AUH: variants seen among roughly 807,000 people sequenced by gnomAD.
AUH encodes the protein methylglutaconyl-CoA hydratase, mitochondrial.
AUH carries 29 observed loss-of-function variants against 42.3 expected under a neutral mutation model. The ratio of observed to expected loss-of-function variants is 0.69; its 90% confidence interval spans 0.51 to 0.93. The LOEUF (loss-of-function observed/expected upper bound fraction) is 0.93, where lower values mean the gene tolerates loss of function less well. AUH is among the 40% of genes least tolerant of loss of function. The pLI, the probability that AUH is intolerant of heterozygous loss-of-function variation, is 0.00. For missense variants in AUH, 452 were observed against 438.1 expected (o/e 1.03, Z -0.28); for synonymous variants, 174 against 166.4 (o/e 1.05, Z -0.35).
chr9:91,318,385 G>T (rs1829319003), intron 4 of AUH, among the ~76,000 whole-genome samples: 1 of 152,124 alleles, frequency 6.6e-6, no homozygotes, highest in African/African-American at 2.4e-5. Flanking sequence ...AACTACAGAT[G>T]TGTTTTCTTT....
intron 6 of AUH, among the ~76,000 whole-genome samples, chr9:91,290,891 A>C (rs756551162): frequency 6.6e-6 from 1 of 152,172 alleles, no homozygotes; most frequent in African/African-American, 2.4e-5. Flanking sequence ...AAAATCATGT[A>C]AACATCACCA....
chr9:91,269,289 T>C (rs527269009), intron 6 of AUH, among the ~76,000 whole-genome samples: 1 of 152,364 alleles, frequency 6.6e-6, no homozygotes, highest in South Asian at 2.1e-4. Flanking sequence ...AGATAATTAA[T>C]ATTTTCTAAG....
chr9:91,361,476 T>C, intron 1 of AUH, 152 bp downstream of exon 1: 1 of 1,061,800 alleles, frequency 9.4e-7, no homozygotes, highest in Non-Finnish European at 1.3e-6. Flanking sequence ...CCACGCTGGG[T>C]GAGTAGGGAG....
chr9:91,349,838 A>C (rs901002803), intron 3 of AUH, among the ~76,000 whole-genome samples: 2 of 152,244 alleles, frequency 1.3e-5, no homozygotes, highest in Non-Finnish European at 2.9e-5. Flanking sequence ...CTTCACAAGA[A>C]GCTTTGACTA....
At chr9:91,341,387 T>TG (rs1276376179) in intron 3 of AUH, among the ~76,000 whole-genome samples, 9 of 152,240 alleles carry the variant, frequency 5.9e-5, no homozygotes, top group South Asian at 2.1e-4. Flanking sequence ...AGAGAGAACT[T>TG]GAAGTCCATC....
intron 6 of AUH, among the ~76,000 whole-genome samples, chr9:91,271,343 C>T (rs575872018): frequency 6.6e-6 from 1 of 152,322 alleles, no homozygotes; most frequent in East Asian, 1.9e-4. Flanking sequence ...CTGGTGTCAA[C>T]CTTCCGTAAA....
At chr9:91,220,058 A>G (rs2131209968) in intron 7 of AUH, among the ~76,000 whole-genome samples, 1 of 152,370 alleles carries the variant, frequency 6.6e-6, no homozygotes, top group African/African-American at 2.4e-5. Context: ...ACAGCAAAAG[A>G]AGACTCTTTC....
At chr9:91,301,925 G>A (rs1827816612) in intron 4 of AUH, among the ~76,000 whole-genome samples, 1 of 152,144 alleles carries the variant, frequency 6.6e-6, no homozygotes, top group African/African-American at 2.4e-5. Context: ...GTAGAAAGCT[G>A]TCTATAAAAT....
chr9:91,278,695 C>T (rs1278845283), intron 6 of AUH, among the ~76,000 whole-genome samples: 2 of 152,150 alleles, frequency 1.3e-5, no homozygotes, highest in South Asian at 2.1e-4. Context: ...TTTAATGAAT[C>T]ATAGCCCTTC....
chr9:91,262,186 TTAAC>T (rs746403878), intron 6 of AUH, among the ~76,000 whole-genome samples: 4 of 152,330 alleles, frequency 2.6e-5, no homozygotes, highest in South Asian at 2.1e-4. Flanking sequence ...TAAATTCGAG[TTAAC>T]TAACATCATT....
intron 6 of AUH, among the ~76,000 whole-genome samples, chr9:91,265,066 T>C (rs1829897751): frequency 6.6e-6 from 1 of 152,012 alleles, no homozygotes; most frequent in African/African-American, 2.4e-5. Flanking sequence ...GCACTGAAAT[T>C]TCACAAATAC....
At chr9:91,214,605 C>T (rs188810905) in intron 9 of AUH, among the ~76,000 whole-genome samples, 180 bp from the exon 10 acceptor site, 1 of 152,146 alleles carries the variant, frequency 6.6e-6, no homozygotes, top group African/African-American at 2.4e-5. Context: ...TCCTCTACCC[C>T]ATTTTGCTCT....
intron 6 of AUH, among the ~76,000 whole-genome samples, chr9:91,281,696 T>C (rs1825975049): frequency 6.6e-6 from 1 of 152,154 alleles, no homozygotes; most frequent in Non-Finnish European, 1.5e-5. Flanking sequence ...CTTGGAGTCA[T>C]TCTTTACATC....
chr9:91,328,426 T>G (rs368181031), intron 3 of AUH, among the ~76,000 whole-genome samples: 1 of 152,204 alleles, frequency 6.6e-6, no homozygotes, highest in East Asian at 1.9e-4. Context: ...TGTAAGAGGC[T>G]GGAAAGCCAG....
At chr9:91,358,340 G>A (rs1238877222) in intron 1 of AUH, among the ~76,000 whole-genome samples, 1 of 152,182 alleles carries the variant, frequency 6.6e-6, no homozygotes, top group Non-Finnish European at 1.5e-5. Flanking sequence ...CATCCAAGTT[G>A]ATACAACGTC....
intron 8 of AUH, among the ~76,000 whole-genome samples, chr9:91,217,026 T>C (rs1409508752): frequency 6.6e-6 from 1 of 152,230 alleles, no homozygotes; most frequent in Non-Finnish European, 1.5e-5. Context: ...GCAAGAATAA[T>C]GAGCATGTCA....
At chr9:91,282,646 C>T (rs987566170) in intron 6 of AUH, among the ~76,000 whole-genome samples, 1 of 152,100 alleles carries the variant, frequency 6.6e-6, no homozygotes, top group South Asian at 2.1e-4. Flanking sequence ...TCCGATCCCA[C>T]GGAAATACAA....
intron 6 of AUH, among the ~76,000 whole-genome samples, chr9:91,232,644 T>C (rs1827954037): frequency 6.6e-6 from 1 of 152,220 alleles, no homozygotes; most frequent in Admixed American, 6.5e-5. Context: ...TGCATTACTA[T>C]GCTATGAAGA....
intron 3 of AUH, among the ~76,000 whole-genome samples, chr9:91,338,627 C>T (rs1830871876): frequency 6.6e-6 from 1 of 152,176 alleles, no homozygotes; most frequent in Non-Finnish European, 1.5e-5. Context: ...GATGAGGTTT[C>T]ATCATGTTGG....
Sources: allele counts gnomAD v4.1 joint callset (sites outside exome capture counted in the v4.1 genomes callset), GRCh38; gene constraint gnomAD v4.1.1; transcripts MANE v1.5; gene names NCBI Gene and HGNC (gene_info 2026-07-23, HGNC 2026-07-21).